PSTPIP2: variants seen among roughly 807,000 people sequenced by gnomAD.
The protein encoded by PSTPIP2 is proline-serine-threonine phosphatase-interacting protein 2.
PSTPIP2 carries 33 observed loss-of-function variants against 63.3 expected under a neutral mutation model. The ratio of observed to expected loss-of-function variants is 0.52; its 90% CI spans 0.40 to 0.70. The LOEUF (loss-of-function observed/expected upper bound fraction) is 0.70. Among genes scored for constraint, PSTPIP2 ranks in the 30% least tolerant of loss-of-function variants. PSTPIP2 has a pLI of 0.00. For synonymous variants in PSTPIP2, 125 were observed against 132.7 expected, an observed-to-expected ratio of 0.94 and a Z score of 0.40; for missense variants, 312 against 400.7, an observed-to-expected ratio of 0.78 and a Z score of 1.89.
At chr18:46,070,944 T>C (rs1029779618) in intron 1 of PSTPIP2, among the ~76,000 whole-genome samples, 5 of 152,148 alleles carry the variant, frequency 3.3e-5, no homozygotes, top group Non-Finnish European at 5.9e-5. Flanking sequence ...AGAGCCTTTT[T>C]CCCACAGTGC....
chr18:46,040,165 G>C, intron 1 of PSTPIP2, 118 bp from the exon 2 acceptor site: 1 of 748,402 alleles, frequency 1.3e-6, no homozygotes, highest in South Asian at 1.8e-5. Flanking sequence ...CTCACTTTGA[G>C]ATGGCGCAGG....
chr18:46,071,721 G>C (rs1296741055), intron 1 of PSTPIP2, among the ~76,000 whole-genome samples: 1 of 152,214 alleles, frequency 6.6e-6, no homozygotes, highest in Non-Finnish European at 1.5e-5. Context: ...ATCCTCTCAC[G>C]GCTCAGCTCC....
chr18:46,059,237 G>A (rs1290244730), intron 1 of PSTPIP2, among the ~76,000 whole-genome samples: 2 of 151,490 alleles, frequency 1.3e-5, no homozygotes, highest in Admixed American at 6.6e-5. Flanking sequence ...GTGTTTCAAC[G>A]TGATGGCCAG....
At chr18:45,992,994 G>A (rs2051554747) in intron 10 of PSTPIP2, among the ~76,000 whole-genome samples, 1 of 152,118 alleles carries the variant, frequency 6.6e-6, no homozygotes, top group Admixed American at 6.5e-5. Flanking sequence ...CCAAAGTGCT[G>A]GGATTACAGG....
intron 2 of PSTPIP2, chr18:46,028,250 G>C (rs1271443316): frequency 3.0e-5 from 12 of 405,668 alleles, no homozygotes; most frequent in Non-Finnish European, 5.3e-5. Context: ...GAACTGAGGA[G>C]CCGAATGAAA....
At chr18:45,985,787 T>TTTC (rs1364259139) in intron 14 of PSTPIP2, among the ~76,000 whole-genome samples, 2 of 151,974 alleles carry the variant, frequency 1.3e-5, no homozygotes, top group African/African-American at 4.8e-5. Flanking sequence ...TAAATTTTTT[T>TTTC]TTTTTTTGAG....
chr18:45,989,365 G>A (rs2051499684), intron 13 of PSTPIP2, among the ~76,000 whole-genome samples: 1 of 152,156 alleles, frequency 6.6e-6, no homozygotes, highest in African/African-American at 2.4e-5. Context: ...GGTTTTATCA[G>A]TGGTTTCCGC....
At chr18:46,044,070 G>T (rs978852223) in intron 1 of PSTPIP2, among the ~76,000 whole-genome samples, 4 of 152,078 alleles carry the variant, frequency 2.6e-5, no homozygotes, top group Admixed American at 2.0e-4. Context: ...TCCCCAAATT[G>T]ATCTATAGAT....
intron 3 of PSTPIP2, among the ~76,000 whole-genome samples, chr18:46,020,445 G>A (rs187370562): frequency 2.1e-3 from 318 of 152,212 alleles, no homozygotes; most frequent in Non-Finnish European, 3.9e-3. Context: ...ACGAGGTCAG[G>A]AGTTCAAGAC....
chr18:46,058,449 C>A (rs1365278359), intron 1 of PSTPIP2, among the ~76,000 whole-genome samples: 1 of 152,016 alleles, frequency 6.6e-6, no homozygotes, highest in African/African-American at 2.4e-5. Context: ...CTCCTCCTCC[C>A]GGGTTCAAGC....
At chr18:46,060,644 A>G (rs1389682363) in intron 1 of PSTPIP2, among the ~76,000 whole-genome samples, 7 of 152,186 alleles carry the variant, frequency 4.6e-5, no homozygotes, top group African/African-American at 1.7e-4. Flanking sequence ...AATCAATCAC[A>G]ATTCCCTCTA....
chr18:46,007,245 G>T (rs567637461), intron 5 of PSTPIP2, among the ~76,000 whole-genome samples: 1 of 152,358 alleles, frequency 6.6e-6, no homozygotes, highest in African/African-American at 2.4e-5. Flanking sequence ...TATTGGGAAT[G>T]GTCTCACTTC....
Position 46,011,280 on chromosome 18 carries a change from G to C in PSTPIP2, c.255C>G (p.Asp85Glu). The C allele has an allele frequency of 6.2e-7, 1 of 1,610,806 alleles. No homozygotes were observed. The highest frequency in any genetic ancestry group is 1.7e-4 in the Middle Eastern group (1 of 6,058). Residue 85 changes from aspartate (D) to glutamate (E), a missense_variant, in exon 5 of 15, where the codon GAC becomes GAG. By Grantham distance (45) the Asp-to-Glu change is conservative. Transcript: ENST00000409746. ...RALEVFKQQV[D>E]NVAQCHIQLA... is the part of the protein sequence containing the mutation. ...GCTGAATGTGACATTGTGCCACATT[G>C]TCTACTTCTGCAAAAAAGAATTAAA... is the stretch of plus-strand genomic sequence containing the variant.
At chr18:46,058,865 C>G (rs1406068538) in intron 1 of PSTPIP2, among the ~76,000 whole-genome samples, 2 of 152,096 alleles carry the variant, frequency 1.3e-5, no homozygotes, top group African/African-American at 4.8e-5. Flanking sequence ...AGGCAGGTGG[C>G]CAGGACCTAG....
chr18:46,009,799 T>G (rs570260686), intron 5 of PSTPIP2, among the ~76,000 whole-genome samples: 2 of 152,322 alleles, frequency 1.3e-5, no homozygotes, highest in South Asian at 4.1e-4. Context: ...GCATTTTTGA[T>G]TCTGAAAAAT....
intron 10 of PSTPIP2, 123 bp downstream of exon 10, chr18:45,993,482 T>C (rs1324069624): frequency 7.5e-6 from 6 of 799,600 alleles, no homozygotes; most frequent in African/African-American, 1.7e-5. Flanking sequence ...ACTCACTGTA[T>C]GGCCTTAGGC....
chr18:46,036,818 T>C (rs7227508), intron 2 of PSTPIP2, among the ~76,000 whole-genome samples: 59,693 of 151,978 alleles, frequency 0.39, 12,315 homozygotes, highest in African/African-American at 0.51. Flanking sequence ...AGCATCTCCC[T>C]CTTCCCCTTG....
intron 2 of PSTPIP2, chr18:46,029,404 C>T: frequency 2.0e-6 from 3 of 1,499,064 alleles, no homozygotes; most frequent in Non-Finnish European, 2.8e-6. Flanking sequence ...GTATATGCCT[C>T]TTCGGGGATG....
At chr18:46,071,268 G>A (rs993717708) in intron 1 of PSTPIP2, among the ~76,000 whole-genome samples, 3 of 152,152 alleles carry the variant, frequency 2.0e-5, no homozygotes, top group African/African-American at 7.2e-5. Flanking sequence ...AAGGAGTCAG[G>A]GCCCCTTGGC....
Sources: gnomAD v4.1 joint callset for allele counts (sites outside exome capture counted in the v4.1 genomes callset) on GRCh38, gnomAD v4.1.1 for gene constraint, MANE v1.5 for transcripts, NCBI Gene and HGNC (gene_info 2026-07-23, HGNC 2026-07-21) for gene names.